ZNF90: variants seen among roughly 807,000 people sequenced by gnomAD.
ZNF90 encodes zinc finger protein 90.
ZNF90 carries 11 observed loss-of-function variants against 12.0 expected under a neutral mutation model. The ratio of observed to expected loss-of-function variants is 0.92; its 90% CI spans 0.58 to 1.52. The LOEUF is 1.52. Ranked by LOEUF, ZNF90 falls within the 40% of genes most tolerant of loss-of-function variation. ZNF90 has a pLI of 0.00. For synonymous variants in ZNF90, 232 were observed against 240.1 expected, an observed-to-expected ratio of 0.97 and a Z score of 0.31; for missense variants, 765 against 711.5, an observed-to-expected ratio of 1.08 and a Z score of -0.86.
intron 1 of ZNF90, among the ~76,000 whole-genome samples, chr19:20,093,954 T>C (rs1555703010): frequency 6.6e-6 from 1 of 152,192 alleles, no homozygotes; most frequent in African/African-American, 2.4e-5. Context: ...TTAGGGGTTC[T>C]AGGAGTGGCT....
intron 1 of ZNF90, among the ~76,000 whole-genome samples, chr19:20,101,765 G>GA (rs1200389176): frequency 1.3e-4 from 19 of 150,728 alleles, no homozygotes; most frequent in African/African-American, 3.4e-4. Flanking sequence ...GGAGGAGAAA[G>GA]AAAAAAAAAT....
At chr19:20,081,633 A>G (rs2088820047) in intron 1 of ZNF90, among the ~76,000 whole-genome samples, 1 of 151,990 alleles carries the variant, frequency 6.6e-6, no homozygotes. Flanking sequence ...TTATAATCTC[A>G]TCTGCCTGCA....
intron 1 of ZNF90, chr19:20,079,640 A>G (rs2088805380): frequency 6.5e-6 from 1 of 154,796 alleles, no homozygotes; most frequent in Non-Finnish European, 1.4e-5. Flanking sequence ...ATATCAGAGA[A>G]TGTCTTACTC....
At chr19:20,089,019 T>G (rs1361384016) in intron 1 of ZNF90, among the ~76,000 whole-genome samples, 1 of 152,010 alleles carries the variant, frequency 6.6e-6, no homozygotes, top group Non-Finnish European at 1.5e-5. Context: ...CACATGTAGG[T>G]AGAGGATCCA....
intron 3 of ZNF90, among the ~76,000 whole-genome samples, chr19:20,116,902 G>A (rs1360491448): frequency 1.3e-5 from 2 of 150,760 alleles, no homozygotes; most frequent in Non-Finnish European, 2.9e-5. Context: ...AGCGTTTTAT[G>A]TCATGGGAGA....
intron 1 of ZNF90, among the ~76,000 whole-genome samples, chr19:20,081,591 T>C (rs890920870): frequency 3.9e-5 from 6 of 152,168 alleles, no homozygotes; most frequent in African/African-American, 1.4e-4. Flanking sequence ...CAACCTATTT[T>C]CTCCATCAAC....
Position 20,100,666 on chromosome 19 carries a change from C to A in ZNF90, c.4-3573C>A, listed in dbSNP as rs186263672. ...AGTCATTGGCCAACCTCCCCAACAG[C>A]ATTTGGGTTTTCCTCTTGAGAGGGG... On this transcript the variant is annotated intron_variant, in intron 1 of 3. Coordinates refer to ENST00000418063, the MANE Select transcript of ZNF90 (RefSeq NM_007138.2). Among the ~76,000 whole-genome samples, 8 of 152,276 alleles carry A rather than the reference C, an allele frequency of 5.3e-5. No individual in the cohort carries two copies. In the East Asian group the frequency reaches 1.4e-3, roughly 26 times the overall value.
chr19:20,117,312 G>C (rs562256141), intron 3 of ZNF90, among the ~76,000 whole-genome samples: 12 of 152,176 alleles, frequency 7.9e-5, no homozygotes, highest in African/African-American at 2.9e-4. Flanking sequence ...CCAAAGTGCT[G>C]GGATTAAAGG....
intron 1 of ZNF90, among the ~76,000 whole-genome samples, chr19:20,100,093 A>G (rs1199487968): frequency 6.6e-5 from 10 of 152,224 alleles, no homozygotes; most frequent in Non-Finnish European, 1.2e-4. Context: ...AGTATGGGGT[A>G]ATCCCCTCCA....
At position 20,118,411 on chromosome 19, in the gene ZNF90, A is replaced by C. The variant is rs1555706001; in HGVS notation, c.857A>C (p.Lys286Thr). Residue 286 changes from lysine to threonine, a missense_variant, in exon 4 of 4, where the codon AAG becomes ACG. Coordinates refer to ENST00000418063, the MANE Select transcript of ZNF90 (RefSeq NM_007138.2). ...ATTCATACTGGAGAGAAACCCTACA[A>C]GTGTGATAAATGTGGCAGAGCATTT... ...KRIHTGEKPYKCDKCGRAFIS... is the reference protein window; with the variant it reads ...KRIHTGEKPYTCDKCGRAFIS... 1 of 1,610,754 alleles carries C rather than the reference A, an allele frequency of 6.2e-7. No homozygotes were observed. The highest frequency in any genetic ancestry group is 8.5e-7 in the Non-Finnish European group (1 of 1,178,136).
In ZNF90 at chr19:20,119,203, C is replaced by T. The variant is rs1555706286; in HGVS notation, c.1649C>T (p.Ser550Leu). ...TGTGGCAAAGCCTTTAAGCGCTCCT[C>T]ACAGCTTACTAGTCATAAGATAAGT... ...EECGKAFKRS[S>L]QLTSHKISHT... is the part of the protein sequence containing the mutation. The change falls in exon 4 of 4, where the codon TCA becomes TTA. Residue 550 changes from serine (S) to leucine (L), a missense_variant. Physicochemically the swap from Ser to Leu is moderately radical, Grantham distance 145. Transcript: ENST00000418063. The T allele has an allele frequency of 4.3e-6, 7 of 1,613,810 alleles. No homozygotes were observed. In the South Asian group the frequency reaches 5.5e-5, roughly 13 times the overall value.
At position 20,120,031 on chromosome 19, in the gene ZNF90, T is replaced by C. The variant is rs185470017; in HGVS notation, c.*671T>C. Among the ~76,000 whole-genome samples, 173 of 152,300 alleles carry C rather than the reference T, an allele frequency of 1.1e-3. No homozygotes were observed. The highest frequency in any genetic ancestry group is 4.1e-3 in the African/African-American group (169 of 41,572). ...TACTAGTGTGAAACCCTAGAAATAA[T>C]AGAAAATTTGACAAATCCTTTATAT... On this transcript the variant is annotated 3_prime_UTR_variant, in exon 4 of 4. Transcript: ENST00000418063.
chr19:20,109,658 T>C (rs1555704839), intron 3 of ZNF90, among the ~76,000 whole-genome samples: 2 of 151,836 alleles, frequency 1.3e-5, no homozygotes, highest in East Asian at 3.9e-4. Context: ...AGGATTCCTG[T>C]AGCCCAAAGG....
intron 3 of ZNF90, 121 bp downstream of exon 3, chr19:20,105,437 G>T (rs2089028213): frequency 1.3e-5 from 10 of 771,194 alleles, no homozygotes; most frequent in Non-Finnish European, 2.0e-5. Context: ...TAGTTCCTGG[G>T]ATTCTGTTTT....
intron 3 of ZNF90, among the ~76,000 whole-genome samples, chr19:20,114,420 G>A (rs1226241203): frequency 6.6e-6 from 1 of 151,972 alleles, no homozygotes; most frequent in Non-Finnish European, 1.5e-5. Context: ...CCATTTCGTG[G>A]CACTCTTCAA....
In ZNF90 at chr19:20,117,888, G is replaced by C; in HGVS notation, c.334G>C (p.Glu112Gln). ...RYEKREYGNLELKKGCESVDE... is the reference protein window; with the variant it reads ...RYEKREYGNLQLKKGCESVDE... ...TGAAAAACGTGAATATGGCAATTTA[G>C]AGTTAAAAAAAGGTTGTGAAAGTGT... Residue 112 changes from glutamate (E) to glutamine (Q), a missense_variant, in exon 4 of 4, where the codon GAG (glutamate) becomes CAG (glutamine). Transcript: ENST00000418063. The C allele has an allele frequency of 6.2e-7, 1 of 1,611,550 alleles. No individual in the cohort carries two copies. The highest frequency in any genetic ancestry group is 1.1e-5 in the South Asian group (1 of 90,658).
chr19:20,082,229 C>T (rs2088825697), intron 1 of ZNF90, among the ~76,000 whole-genome samples: 1 of 152,122 alleles, frequency 6.6e-6, no homozygotes, highest in African/African-American at 2.4e-5. Context: ...CTCCCACTCT[C>T]CACCCTCTAC....
chr19:20,091,534 G>A (rs978776916), intron 1 of ZNF90, among the ~76,000 whole-genome samples: 2 of 152,146 alleles, frequency 1.3e-5, no homozygotes, highest in Non-Finnish European at 2.9e-5. Context: ...TGACTGAAGC[G>A]AAGGAGAAAA....
intron 3 of ZNF90, among the ~76,000 whole-genome samples, chr19:20,110,905 A>T (rs1297798205): frequency 1.3e-5 from 2 of 152,074 alleles, no homozygotes; most frequent in African/African-American, 2.4e-5. Context: ...AGGGTTGTTT[A>T]TATATTTTGA....
Sources: allele counts gnomAD v4.1 joint callset (sites outside exome capture counted in the v4.1 genomes callset), GRCh38; gene constraint gnomAD v4.1.1; transcripts MANE v1.5; gene names NCBI Gene and HGNC (gene_info 2026-07-23, HGNC 2026-07-21).